Variants in ANK2 observed in about 807,000 individuals in gnomAD.
ANK2 encodes ankyrin-2.
ANK2 carries 83 observed loss-of-function variants against 360.5 expected under a neutral mutation model. The observed-to-expected ratio is 0.23, with a 90% CI of 0.19 to 0.28. The LOEUF is 0.28. Among genes scored for constraint, ANK2 ranks in the 10% least tolerant of loss-of-function variants. ANK2 has a pLI of 1.00. For missense variants in ANK2, 4,201 were observed against 4,795.7 expected, an observed-to-expected ratio of 0.88 and a Z score of 3.66; for synonymous variants, 1,740 against 1,759.5, an observed-to-expected ratio of 0.99 and a Z score of 0.28.
At chr4:113,205,587 G>A (rs2098935786) in intron 4 of ANK2, among the ~76,000 whole-genome samples, 1 of 152,158 alleles carries the variant, frequency 6.6e-6, no homozygotes, top group Middle Eastern at 3.4e-3. Flanking sequence ...GGATGATTAG[G>A]TGATTATTTT....
intron 2 of ANK2, among the ~76,000 whole-genome samples, chr4:112,969,756 G>A (rs2038759231): frequency 6.6e-6 from 1 of 152,082 alleles, no homozygotes; most frequent in Non-Finnish European, 1.5e-5. Flanking sequence ...ATATCTTCTT[G>A]TTCTGTCCGT....
intron 1 of ANK2, among the ~76,000 whole-genome samples, chr4:113,146,648 T>C (rs2096847002): frequency 6.6e-6 from 1 of 151,500 alleles, no homozygotes; most frequent in Non-Finnish European, 1.5e-5. Flanking sequence ...GATGTGTTCC[T>C]TAAAATGGGT....
At chr4:112,999,963 T>C (rs1376143718) in intron 2 of ANK2, among the ~76,000 whole-genome samples, 1 of 152,156 alleles carries the variant, frequency 6.6e-6, no homozygotes, top group East Asian at 1.9e-4. Context: ...GTTCAGTGGC[T>C]AGGAGCCTAC....
At position 113,178,156 on chromosome 4, in the gene ANK2, G is replaced by A. The variant is rs1445206091; in HGVS notation, c.186+3639G>A. Among the ~76,000 whole-genome samples, 3 of 152,126 alleles carry A rather than the reference G, an allele frequency of 2.0e-5. No homozygotes were observed. In the East Asian group the frequency reaches 5.8e-4, roughly 29 times the overall value. On this transcript the variant is annotated intron_variant, in intron 2 of 45. Transcript: ENST00000357077. ...TAGCACTTTGGGATTACAGTGGGAG[G>A]CTGAGGCAGGAGGATTGCTTGAGCC...
At chr4:113,044,903 A>C (rs191343591), upstream of ANK2, among the ~76,000 whole-genome samples, 2 of 152,294 alleles carry the variant, frequency 1.3e-5, no homozygotes, top group Middle Eastern at 3.4e-3. Flanking sequence ...TATGTGTCCA[A>C]AAGGAAAAAA....
intron 26 of ANK2, among the ~76,000 whole-genome samples, chr4:113,329,855 T>G (rs1332232117): frequency 6.6e-6 from 1 of 152,222 alleles, no homozygotes. Context: ...TGTAGATTTT[T>G]TAGGATGTAC....
intron 1 of ANK2, among the ~76,000 whole-genome samples, chr4:112,831,171 C>T (rs1434868746): frequency 6.6e-6 from 1 of 152,240 alleles, no homozygotes; most frequent in East Asian, 1.9e-4. Flanking sequence ...CCATCGACTG[C>T]CCAAGGGCTG....
In ANK2 at chr4:112,947,998, C is replaced by T. The variant is rs1267456491; in HGVS notation, c.21+43484C>T. On this transcript the variant is annotated intron_variant, in intron 2 of 30. Transcript: ENST00000503271. Reference sequence around the variant, plus strand: ...ATTTCGTTCTACTTAGTGCTCTGAGCACTCTTCCCTCCTTGACCCCTGCCA... The same window carrying T: ...ATTTCGTTCTACTTAGTGCTCTGAGTACTCTTCCCTCCTTGACCCCTGCCA... Among the ~76,000 whole-genome samples the T allele has an allele frequency of 9.2e-5, 14 of 152,348 alleles. No individual in the cohort carries two copies. The East Asian group carries it at 2.7e-3, about 29-fold the overall frequency.
At chr4:113,121,960 C>T (rs17626532) in intron 1 of ANK2, among the ~76,000 whole-genome samples, 69,845 of 151,742 alleles carry the variant, frequency 0.46, 16,952 homozygotes, top group Non-Finnish European at 0.55. Context: ...CAAGTTGTAA[C>T]GGGACATGGA....
chr4:112,806,608 T>C, the ANK2 span, among the ~76,000 whole-genome samples: 1 of 152,038 alleles, frequency 6.6e-6, no homozygotes, highest in Non-Finnish European at 1.5e-5. Flanking sequence ...GGCAGGAGGA[T>C]TGCTTGATCT....
chr4:113,103,493 A>G (rs1426446998), intron 1 of ANK2, among the ~76,000 whole-genome samples: 1 of 152,178 alleles, frequency 6.6e-6, no homozygotes. Flanking sequence ...AAAGAATGTC[A>G]GTGATGTTTT....
intron 4 of ANK2, among the ~76,000 whole-genome samples, chr4:113,208,448 G>A (rs1254248780): frequency 6.6e-6 from 1 of 151,924 alleles, no homozygotes; most frequent in Non-Finnish European, 1.5e-5. Context: ...AGTATAGATG[G>A]TAATGCAACA....
At chr4:113,061,936 C>T (rs1297532818) in intron 1 of ANK2, among the ~76,000 whole-genome samples, 1 of 152,062 alleles carries the variant, frequency 6.6e-6, no homozygotes, top group Non-Finnish European at 1.5e-5. Flanking sequence ...TTATGCATTG[C>T]ATGCCTGTAT....
chr4:113,145,550 C>T, intron 1 of ANK2: 1 of 997,876 alleles, frequency 1.0e-6, no homozygotes, highest in Non-Finnish European at 1.2e-6. Context: ...CGCCCCCTCC[C>T]CTGCTCTCTG....
At position 112,908,518 on chromosome 4, in the gene ANK2, G is replaced by A. The variant is rs561373836; in HGVS notation, c.21+4004G>A. 2.0e-5 allele frequency among the ~76,000 whole-genome samples: 3 copies of A among 152,314 alleles called. No homozygotes were observed. The East Asian group carries it at 5.8e-4, about 29-fold the overall frequency. Reference sequence around the variant, plus strand: ...TTCAAAATCAGAGAGTGCTACTCAAGTCAAATACCTGCAATGGCTCACTGA... The same window carrying A: ...TTCAAAATCAGAGAGTGCTACTCAAATCAAATACCTGCAATGGCTCACTGA... On this transcript the variant is annotated intron_variant, in intron 2 of 30. Coordinates refer to the ANK2 transcript ENST00000503271.
chr4:113,366,841 G>A (rs2096556475), intron 41 of ANK2, among the ~76,000 whole-genome samples: 1 of 152,096 alleles, frequency 6.6e-6, no homozygotes, highest in Non-Finnish European at 1.5e-5. Flanking sequence ...AGTGGGGACG[G>A]AAGCTTTTTA....
rs1196003151 is a variant in ANK2, at chr4:113,378,294, C to T, written c.11860-3163C>T. 3 of 378,040 alleles carry T rather than the reference C, an allele frequency of 7.9e-6. No homozygotes were observed. In the East Asian group the frequency reaches 2.3e-4, roughly 29 times the overall value. 23.4% of individuals were successfully genotyped at this position (378,040 alleles called of 1,614,324 possible). On this transcript the variant is annotated intron_variant, in intron 45 of 45. Transcript: ENST00000357077. ...CTACCCTAAAGAGGATAGAAAACTG[C>T]CTACTCTCCTGTATTATAATACTTT...
rs544406965 is a variant in ANK2 at position 113,312,730 on chromosome 4, T to A, written c.2693+1331T>A. 4.6e-5 allele frequency among the ~76,000 whole-genome samples: 7 copies of A among 151,844 alleles called. No homozygotes were observed. In the South Asian group the frequency reaches 1.5e-3, roughly 32 times the overall value. On this transcript the variant is annotated intron_variant, in intron 24 of 45. Transcript: ENST00000357077. The stretch of plus-strand genomic sequence containing the variant: ...AGGTCTTGAGCAAAGGCTCGCAGGG[T>A]GTATGAGAAAAAAGGGAATGCAGTG...
At chr4:112,966,144 T>A (rs1561323166) in intron 2 of ANK2, among the ~76,000 whole-genome samples, 1 of 151,820 alleles carries the variant, frequency 6.6e-6, no homozygotes, top group Non-Finnish European at 1.5e-5. Flanking sequence ...GGATTCAAAC[T>A]ACTTCAGAAA....
Sources: allele counts gnomAD v4.1 joint callset (sites outside exome capture counted in the v4.1 genomes callset), GRCh38; gene constraint gnomAD v4.1.1; transcripts MANE v1.5; gene names NCBI Gene and HGNC (gene_info 2026-07-23, HGNC 2026-07-21).